The following XPNPEP1 variants were observed in gnomAD, a reference collection of about 807,000 sequenced individuals.
XPNPEP1 encodes the protein xaa-Pro aminopeptidase 1.
XPNPEP1 carries 39 observed loss-of-function variants against 92.4 expected under a neutral mutation model. The ratio of observed to expected loss-of-function variants is 0.42; its 90% CI spans 0.33 to 0.55. XPNPEP1 has a LOEUF of 0.55. Ranked by LOEUF, XPNPEP1 falls within the 20% of genes least tolerant of loss-of-function variation. The probability of loss-of-function intolerance (pLI) is 0.08; values close to 1 mark genes in which losing one functional copy is unlikely to be tolerated. For synonymous variants in XPNPEP1, 307 were observed against 299.4 expected, an observed-to-expected ratio of 1.03 and a Z score of -0.26; for missense variants, 654 against 856.1, an observed-to-expected ratio of 0.76 and a Z score of 2.95.
At chr10:109,877,563 A>G (rs1847852463) in intron 14 of XPNPEP1, 1 of 576,156 alleles carries the variant, frequency 1.7e-6, no homozygotes, top group Non-Finnish European at 3.1e-6. Flanking sequence ...ACTACCCTGC[A>G]GAGAATGCCA....
At chr10:109,919,958 G>A (rs940949816) in intron 1 of XPNPEP1, among the ~76,000 whole-genome samples, 6 of 152,254 alleles carry the variant, frequency 3.9e-5, no homozygotes, top group African/African-American at 1.4e-4. Context: ...CTTGAACCCG[G>A]GAGGTGGAGG....
intron 16 of XPNPEP1, among the ~76,000 whole-genome samples, chr10:109,872,519 A>G (rs1431254233): frequency 6.6e-6 from 1 of 152,266 alleles, no homozygotes; most frequent in South Asian, 2.1e-4. Flanking sequence ...AAAAGCACAA[A>G]AAGAGTCACA....
Position 109,901,901 on chromosome 10 carries a change from T to A in XPNPEP1, c.246+5790A>T, listed in dbSNP as rs531881881. Among the ~76,000 whole-genome samples the A allele has an allele frequency of 2.0e-5, 3 of 152,364 alleles. No individual in the cohort carries two copies. The East Asian group carries it at 5.8e-4, about 29-fold the overall frequency. ...TTTGAAACCACAGCATAAAAAGGAATGTAAAGTATCTTCTTAATAATTTTT... is the reference window on the plus strand; with the variant it reads ...TTTGAAACCACAGCATAAAAAGGAAAGTAAAGTATCTTCTTAATAATTTTT... On this transcript the variant is annotated intron_variant, in intron 3 of 20. Transcript: ENST00000502935.
In XPNPEP1 at chr10:109,882,549, C is replaced by G; in HGVS notation, c.924G>C (p.Val308=). 1 of 1,614,204 alleles carries G rather than the reference C, an allele frequency of 6.2e-7. No homozygotes were observed. ...CGCTCAGGATGGACTTGTAGGGATG[C>G]ACCTGGATCCTGTATTCGGCTTCCA... ...LGLEAEYRIQ[V]HPYKSILSEL... Residue 308 remains valine, a synonymous_variant, in exon 10 of 21, where the codon GTG becomes GTC. Coordinates refer to ENST00000502935, the MANE Select transcript of XPNPEP1 (RefSeq NM_020383.4).
chr10:109,915,707 C>T (rs1311014859), intron 1 of XPNPEP1, among the ~76,000 whole-genome samples: 1 of 152,160 alleles, frequency 6.6e-6, no homozygotes, highest in East Asian at 1.9e-4. Flanking sequence ...GCTTCTAAGA[C>T]TTTCACATTA....
chr10:109,912,505 G>A (rs1390151074), intron 2 of XPNPEP1, among the ~76,000 whole-genome samples: 2 of 152,218 alleles, frequency 1.3e-5, no homozygotes, highest in South Asian at 4.1e-4. Context: ...GATTGAATGA[G>A]TGAGCAGCTG....
chr10:109,890,302 A>C (rs1381285427), intron 5 of XPNPEP1, among the ~76,000 whole-genome samples: 1 of 152,254 alleles, frequency 6.6e-6, no homozygotes, highest in African/African-American at 2.4e-5. Flanking sequence ...CCAGGGGGAC[A>C]CAATGATCTA....
intron 7 of XPNPEP1, 80 bp downstream of exon 7, chr10:109,887,969 G>A (rs1374395778): frequency 2.5e-5 from 39 of 1,555,192 alleles, no homozygotes; most frequent in South Asian, 2.2e-4. Flanking sequence ...ACTTGGATTC[G>A]GAGGACGAGG....
chr10:109,870,932 G>T (rs1250658067), intron 17 of XPNPEP1, 28 bp from the exon 18 acceptor site: 2 of 1,608,362 alleles, frequency 1.2e-6, no homozygotes, highest in Middle Eastern at 1.7e-4. Context: ...CCACTTAATT[G>T]TATTTGTACA....
intron 2 of XPNPEP1, among the ~76,000 whole-genome samples, chr10:109,912,418 G>C (rs1564792193): frequency 6.6e-6 from 1 of 152,258 alleles, no homozygotes; most frequent in Non-Finnish European, 1.5e-5. Flanking sequence ...CAGTGAGGCA[G>C]CTACCACTGA....
intron 3 of XPNPEP1, among the ~76,000 whole-genome samples, chr10:109,902,295 A>G (rs1335559943): frequency 1.3e-5 from 2 of 152,258 alleles, no homozygotes; most frequent in Non-Finnish European, 2.9e-5. Context: ...GTATGAACCC[A>G]TTTCATCCTA....
intron 15 of XPNPEP1, 44 bp from the exon 16 acceptor site, chr10:109,873,471 T>G: frequency 6.2e-7 from 1 of 1,612,710 alleles, no homozygotes; most frequent in South Asian, 1.1e-5. Context: ...AAAATAAGCT[T>G]TAAGTCAAAT....
At chr10:109,896,637 A>G (rs1408166950) in intron 3 of XPNPEP1, among the ~76,000 whole-genome samples, 2 of 151,876 alleles carry the variant, frequency 1.3e-5, no homozygotes, top group Non-Finnish European at 2.9e-5. Context: ...TCTTAACCCC[A>G]AGCATATAAG....
chr10:109,900,367 A>T (rs1307532013), intron 3 of XPNPEP1, among the ~76,000 whole-genome samples: 1 of 152,148 alleles, frequency 6.6e-6, no homozygotes, highest in African/African-American at 2.4e-5. Context: ...CTACTATGGC[A>T]GGTCACACAT....
chr10:109,892,643 A>C (rs1444972376), intron 4 of XPNPEP1: 1 of 193,100 alleles, frequency 5.2e-6, no homozygotes, highest in African/African-American at 2.4e-5. Context: ...ATAAGCTAAG[A>C]GAGGAGGTTC....
At chr10:109,918,848 GA>G (rs1418115193) in intron 1 of XPNPEP1, among the ~76,000 whole-genome samples, 15 of 31,190 alleles carry the variant, frequency 4.8e-4, no homozygotes, top group African/African-American at 8.5e-4. Flanking sequence ...AGGAAGGAAG[GA>G]AGGAAGGAGG....
At chr10:109,873,570 C>T (rs1045569724) in intron 15 of XPNPEP1, 143 bp from the exon 16 acceptor site, 13 of 889,108 alleles carry the variant, frequency 1.5e-5, no homozygotes, top group East Asian at 1.0e-4. Context: ...GCAAATAGTT[C>T]GCAGTTCCTT....
rs764174410 is a variant in XPNPEP1, at chr10:109,915,078, T to C, written c.54A>G (p.Gln18=). The C allele has an allele frequency of 1.7e-5, 26 of 1,528,460 alleles. No homozygotes were observed. Among genetic ancestry groups the C allele is most frequent in the South Asian group, 2.4e-5 (2 of 82,092 alleles). 94.7% of individuals were successfully genotyped at this position (1,528,460 alleles called of 1,614,324 possible). A position where few individuals can be genotyped will look rare whatever the true frequency, so the allele number is the denominator to read the frequency against. ...GTTCAATTATTCTTAAATTTCTCAG[T>C]TGAAAATCCTGGTGATTCACCCTTA... ...PRVRVNHQDF[Q]LRNLRIIEPN... Residue 18 remains glutamine, a synonymous_variant, in exon 2 of 21, where the codon CAA becomes CAG. Transcript: ENST00000502935.
Position 109,878,578 on chromosome 10 carries a change from A to T in XPNPEP1, c.1183-520T>A, listed in dbSNP as rs140474886. Among the ~76,000 whole-genome samples, 7 of 152,300 alleles carry T rather than the reference A, an allele frequency of 4.6e-5. No individual in the cohort carries two copies. In the East Asian group the frequency reaches 1.3e-3, roughly 29 times the overall value. On this transcript the variant is annotated intron_variant, in intron 12 of 20. Transcript: ENST00000502935. ...AATGTTCACACTATGATTCTAAGAG[A>T]ATAAAATAAAACACAAAATCATATC...
Sources: gnomAD v4.1 joint callset for allele counts (sites outside exome capture counted in the v4.1 genomes callset) on GRCh38, gnomAD v4.1.1 for gene constraint, MANE v1.5 for transcripts, NCBI Gene and HGNC (gene_info 2026-07-23, HGNC 2026-07-21) for gene names.